Variants in PTPRO observed in about 807,000 individuals in gnomAD.
PTPRO encodes receptor-type tyrosine-protein phosphatase O.
PTPRO carries 62 observed loss-of-function variants against 145.2 expected under a neutral mutation model. The ratio of observed to expected loss-of-function variants is 0.43; its 90% CI spans 0.35 to 0.53. The LOEUF is 0.53. Among genes scored for constraint, PTPRO ranks in the 20% least tolerant of loss-of-function variants. The pLI is 0.01. For missense variants in PTPRO, 1,345 were observed against 1,482.7 expected (o/e 0.91, Z 1.53); for synonymous variants, 565 against 514.7 (o/e 1.10, Z -1.32).
intron 1 of PTPRO, among the ~76,000 whole-genome samples, chr12:15,405,903 G>A (rs1240024462): frequency 6.6e-6 from 1 of 152,156 alleles, no homozygotes; most frequent in African/African-American, 2.4e-5. Flanking sequence ...AAAGAAGTGG[G>A]AGAGAGTTGT....
chr12:15,591,723 C>T (rs866643450), intron 25 of PTPRO, among the ~76,000 whole-genome samples: 2 of 151,890 alleles, frequency 1.3e-5, no homozygotes, highest in African/African-American at 4.8e-5. Flanking sequence ...ATTAGCTGGG[C>T]GTGGTGGCAC....
intron 1 of PTPRO, among the ~76,000 whole-genome samples, chr12:15,384,604 C>A (rs765849111): frequency 9.9e-5 from 15 of 152,126 alleles, no homozygotes; most frequent in African/African-American, 3.4e-4. Context: ...CACTTTATAA[C>A]CCTTTTGACT....
rs2300291 is a variant in PTPRO at position 15,582,748 on chromosome 12, A to T, written c.3255+947A>T. Reference sequence around the variant, plus strand: ...CTTGTTTTGTTCTGGTTTGGTTTTCATTATTTGTAAGGTACTTCTAGGTCT... The same window carrying T: ...CTTGTTTTGTTCTGGTTTGGTTTTCTTTATTTGTAAGGTACTTCTAGGTCT... On this transcript the variant is annotated intron_variant, in intron 23 of 26. Transcript: ENST00000281171. Among the ~76,000 whole-genome samples, 569 of 152,046 alleles carry T rather than the reference A, an allele frequency of 3.7e-3. 3 individuals carry two copies. Among genetic ancestry groups the T allele is most frequent in the African/African-American group, 0.013 (557 of 41,396 alleles).
At chr12:15,390,188 C>G (rs1939150017) in intron 1 of PTPRO, among the ~76,000 whole-genome samples, 1 of 152,060 alleles carries the variant, frequency 6.6e-6, no homozygotes, top group Non-Finnish European at 1.5e-5. Flanking sequence ...GTCCCCATCC[C>G]CATTACTTAA....
intron 13 of PTPRO, among the ~76,000 whole-genome samples, chr12:15,548,471 T>C (rs1943358683): frequency 6.6e-6 from 1 of 152,176 alleles, no homozygotes; most frequent in Admixed American, 6.5e-5. Flanking sequence ...TGTGTGTACG[T>C]TCACACATAT....
At chr12:15,580,870 A>T (rs762576466) in intron 22 of PTPRO, 39 bp downstream of exon 22, 7 of 1,611,844 alleles carry the variant, frequency 4.3e-6, no homozygotes, top group Non-Finnish European at 4.2e-6. Context: ...TAGCAGCAAA[A>T]CCTGCCCTAG....
chr12:15,345,252 C>T (rs1021946953), intron 1 of PTPRO, among the ~76,000 whole-genome samples: 2 of 152,078 alleles, frequency 1.3e-5, no homozygotes, highest in Non-Finnish European at 2.9e-5. Flanking sequence ...TTGTCTGTGT[C>T]AATTATTTTA....
At chr12:15,537,928 A>G (rs1375272280) in intron 12 of PTPRO, among the ~76,000 whole-genome samples, 1 of 152,172 alleles carries the variant, frequency 6.6e-6, no homozygotes, top group African/African-American at 2.4e-5. Context: ...GAAGATCATG[A>G]TAGCCGCTTG....
intron 2 of PTPRO, among the ~76,000 whole-genome samples, chr12:15,494,269 T>G (rs1003591991): frequency 5.9e-5 from 9 of 152,208 alleles, no homozygotes; most frequent in Non-Finnish European, 1.2e-4. Context: ...TGATTCACCT[T>G]GTCCAACAAC....
chr12:15,454,830 A>C (rs1046535451), intron 1 of PTPRO, among the ~76,000 whole-genome samples: 2 of 152,182 alleles, frequency 1.3e-5, no homozygotes, highest in Non-Finnish European at 2.9e-5. Context: ...CATTGGTTGA[A>C]GAGACTCTCA....
chr12:15,472,378 C>T (rs1941562154), intron 1 of PTPRO, among the ~76,000 whole-genome samples: 1 of 152,238 alleles, frequency 6.6e-6, no homozygotes, highest in Non-Finnish European at 1.5e-5. Context: ...TTCTGCATTA[C>T]AAGAGTTCAT....
At chr12:15,332,901 C>T (rs1487333555) in intron 1 of PTPRO, among the ~76,000 whole-genome samples, 1 of 152,192 alleles carries the variant, frequency 6.6e-6, no homozygotes, top group African/African-American at 2.4e-5. Flanking sequence ...TTATGAATAA[C>T]TGCTTTGCCA....
intron 1 of PTPRO, among the ~76,000 whole-genome samples, chr12:15,404,485 G>T (rs1327114919): frequency 6.6e-6 from 1 of 151,998 alleles, no homozygotes; most frequent in African/African-American, 2.4e-5. Flanking sequence ...TGTGTTATTT[G>T]TATAATCAGA....
At position 15,581,637 on chromosome 12, in the gene PTPRO, C is replaced by G. The variant is rs753744359; in HGVS notation, c.3133-42C>G. 6.8e-6 allele frequency: 11 copies of G among 1,606,824 alleles called. No individual in the cohort carries two copies. In the South Asian group the frequency reaches 1.1e-4, roughly 16 times the overall value. ...TAAGTGAGCACACTTAATTCCTTTC[C>G]TAGCCTGTTTGTTTTAAAAAATTGT... On this transcript the variant is annotated intron_variant, in intron 22 of 26. Transcript: ENST00000281171.
chr12:15,323,743 G>C (rs1334507042), intron 1 of PTPRO, among the ~76,000 whole-genome samples: 3 of 152,204 alleles, frequency 2.0e-5, no homozygotes, highest in Non-Finnish European at 2.9e-5. Flanking sequence ...TATCCTTTCA[G>C]GACCACAGTG....
chr12:15,387,909 G>C (rs1304450975), intron 1 of PTPRO, among the ~76,000 whole-genome samples: 2 of 152,088 alleles, frequency 1.3e-5, no homozygotes, highest in Non-Finnish European at 2.9e-5. Context: ...AATTCAAAGG[G>C]TTTTTCTTGG....
chr12:15,371,078 C>G (rs950417338), intron 1 of PTPRO, among the ~76,000 whole-genome samples: 3 of 152,104 alleles, frequency 2.0e-5, no homozygotes, highest in African/African-American at 7.2e-5. Context: ...TTCAGATCAG[C>G]TTTTTCTAGT....
intron 25 of PTPRO, among the ~76,000 whole-genome samples, chr12:15,592,696 C>A (rs1205848581): frequency 6.6e-6 from 1 of 152,204 alleles, no homozygotes; most frequent in African/African-American, 2.4e-5. Flanking sequence ...TCAAGGCTCC[C>A]ATTTCTCTTC....
rs72656662 is a variant in PTPRO at position 15,421,217 on chromosome 12, G to A, written c.76-62757G>A. ...TTTTACATCCCTATCTTGCAAATAC[G>A]TCTAAATAGGATATTTCATTTAACT... On this transcript the variant is annotated intron_variant, in intron 1 of 26. Transcript: ENST00000281171. Among the ~76,000 whole-genome samples the A allele has an allele frequency of 6.9e-3, 1,049 of 152,152 alleles. 41 individuals carry two copies. In the East Asian group the frequency reaches 0.12, roughly 17 times the overall value.
Sources: allele counts gnomAD v4.1 joint callset (sites outside exome capture counted in the v4.1 genomes callset), GRCh38; gene constraint gnomAD v4.1.1; transcripts MANE v1.5; gene names NCBI Gene and HGNC (gene_info 2026-07-23, HGNC 2026-07-21).